Variants in ZFPM1 observed in about 807,000 individuals in gnomAD.
ZFPM1 encodes zinc finger protein, FOG family member 1.
In ZFPM1, 28 loss-of-function variants were observed where a neutral mutation model predicts 46.3. That is an observed-to-expected ratio of 0.60 (90% CI 0.45 to 0.83). The LOEUF (loss-of-function observed/expected upper bound fraction) is 0.83, where lower values mean the gene tolerates loss of function less well. Ranked by LOEUF, ZFPM1 falls within the 40% of genes least tolerant of loss-of-function variation. The pLI is 0.00. For synonymous variants in ZFPM1, 957 were observed against 675.9 expected (o/e 1.42, Z -6.45); for missense variants, 1,878 against 1,432.4 (o/e 1.31, Z -5.02).
intron 3 of ZFPM1, among the ~76,000 whole-genome samples, chr16:88,506,927 G>A (rs978202569): frequency 2.0e-5 from 3 of 152,232 alleles, no homozygotes; most frequent in African/African-American, 7.2e-5. Flanking sequence ...TCTCGCTAGC[G>A]CATGTCACGT....
chr16:88,523,759 C>T (rs1019031760), intron 4 of ZFPM1, among the ~76,000 whole-genome samples: 7 of 152,180 alleles, frequency 4.6e-5, no homozygotes, highest in Non-Finnish European at 8.8e-5. Context: ...GCCGGAGCTG[C>T]TTATCTTGCA....
chr16:88,488,987 G>A (rs778557340), intron 2 of ZFPM1, 44 bp from the exon 3 acceptor site: 8 of 1,590,834 alleles, frequency 5.0e-6, no homozygotes, highest in East Asian at 2.3e-5. Flanking sequence ...GCAGCTCAGT[G>A]CCCGGCACTC....
intron 4 of ZFPM1, among the ~76,000 whole-genome samples, chr16:88,524,246 C>T (rs1177797953): frequency 2.6e-5 from 4 of 152,330 alleles, no homozygotes; most frequent in African/African-American, 4.8e-5. Context: ...GCAGCCTCGC[C>T]GAGCGCTGCC....
At position 88,514,537 on chromosome 16, in the gene ZFPM1, C is replaced by T; in HGVS notation, c.402+17C>T. On this transcript the variant is annotated intron_variant, in intron 4 of 9. Transcript: ENST00000319555. ...GCGGAGCCGGTAAGAAGCCCCCATC[C>T]CCGCCCCTGCCCGCCCACCCCAATG... The T allele has an allele frequency of 1.3e-6, 2 of 1,544,638 alleles. No homozygotes were observed. Among genetic ancestry groups the T allele is most frequent in the East Asian group, 4.9e-5 (2 of 41,068 alleles).
intron 1 of ZFPM1, among the ~76,000 whole-genome samples, chr16:88,470,155 C>T (rs76589320): frequency 0.049 from 7,499 of 152,282 alleles, 256 homozygotes; most frequent in Non-Finnish European, 0.076. Context: ...AGGCCCCTCC[C>T]GTGTAGGAGC....
intron 4 of ZFPM1, among the ~76,000 whole-genome samples, chr16:88,515,651 C>A (rs1450900865): frequency 2.6e-5 from 4 of 152,228 alleles, no homozygotes; most frequent in African/African-American, 9.6e-5. Context: ...CTGCGGCCAG[C>A]AGCCCTGCAG....
chr16:88,463,785 G>A (rs935795095), intron 1 of ZFPM1, among the ~76,000 whole-genome samples: 18 of 152,350 alleles, frequency 1.2e-4, no homozygotes, highest in African/African-American at 4.3e-4. Flanking sequence ...TCAGGCTGAG[G>A]AAACTGAGGC....
At chr16:88,474,225 C>G (rs1312051779) in intron 1 of ZFPM1, among the ~76,000 whole-genome samples, 1 of 152,218 alleles carries the variant, frequency 6.6e-6, no homozygotes, top group East Asian at 1.9e-4. Context: ...CCTTGCCCCG[C>G]CCGGGCCACT....
chr16:88,465,287 A>G (rs780459001), intron 1 of ZFPM1, among the ~76,000 whole-genome samples: 1 of 152,246 alleles, frequency 6.6e-6, no homozygotes, highest in Non-Finnish European at 1.5e-5. Flanking sequence ...TGCTGGAAAC[A>G]GGCTGGTGCT....
Position 88,480,154 on chromosome 16 carries a change from G to A in ZFPM1, c.41-5785G>A, listed in dbSNP as rs568806267. Among the ~76,000 whole-genome samples, 7 of 152,022 alleles carry A rather than the reference G, an allele frequency of 4.6e-5. No homozygotes were observed. The highest frequency in any genetic ancestry group is 2.1e-4 in the South Asian group (1 of 4,814). On this transcript the variant is annotated intron_variant, in intron 1 of 9. Transcript: ENST00000319555. This position sits in a 1 kb window ranked among gnomAD's most constrained non-coding sequence, Gnocchi z 4.9. ...TCCTGGAGCGCTTTTCCCTGGACCC[G>A]GTGCTGGCAGCCTCCTCCTCTCCCC...
intron 1 of ZFPM1, among the ~76,000 whole-genome samples, chr16:88,483,492 G>A (rs180911630): frequency 4.6e-5 from 7 of 152,340 alleles, no homozygotes; most frequent in African/African-American, 1.7e-4. Flanking sequence ...TGTCTTCTCA[G>A]GGGCTGGTCT....
At chr16:88,512,786 C>T (rs995454888) in intron 3 of ZFPM1, among the ~76,000 whole-genome samples, 10 of 152,132 alleles carry the variant, frequency 6.6e-5, no homozygotes, top group South Asian at 4.1e-4. Flanking sequence ...TCTTCTCTCC[C>T]GTGCCCACCC....
intron 3 of ZFPM1, among the ~76,000 whole-genome samples, chr16:88,512,458 C>T (rs1192525847): frequency 6.6e-6 from 1 of 152,148 alleles, no homozygotes; most frequent in Non-Finnish European, 1.5e-5. Context: ...CCACCCCTTC[C>T]CTCTCTGAAA....
chr16:88,487,973 C>G (rs1372440057), intron 2 of ZFPM1, among the ~76,000 whole-genome samples: 1 of 152,256 alleles, frequency 6.6e-6, no homozygotes, highest in African/African-American at 2.4e-5. Flanking sequence ...ACACGCTGCT[C>G]GTGGTACAGC....
In ZFPM1 at chr16:88,461,438, G is replaced by A. The variant is rs36031208; in HGVS notation, c.40+7760G>A. 1.4e-4 allele frequency among the ~76,000 whole-genome samples: 21 copies of A among 152,264 alleles called. No individual in the cohort carries two copies. In the East Asian group the frequency reaches 1.5e-3, roughly 11 times the overall value. ...AGGTGACCAGTCTGGGGACCGCTTC[G>A]GACAACAGCGCAACCTCACGTCCTG... On this transcript the variant is annotated intron_variant, in intron 1 of 9. Transcript: ENST00000319555.
At chr16:88,503,710 C>T (rs55715616) in intron 3 of ZFPM1, among the ~76,000 whole-genome samples, 2 of 152,142 alleles carry the variant, frequency 1.3e-5, no homozygotes. Flanking sequence ...GAAGAGGAGA[C>T]ACATTCACAG....
chr16:88,511,366 C>T (rs748517574), intron 3 of ZFPM1, among the ~76,000 whole-genome samples: 1 of 152,118 alleles, frequency 6.6e-6, no homozygotes, highest in African/African-American at 2.4e-5. Flanking sequence ...TCAGCCTCGC[C>T]GGGCCCCAGG....
intron 3 of ZFPM1, among the ~76,000 whole-genome samples, chr16:88,505,277 G>A (rs759150488): frequency 6.6e-6 from 1 of 152,170 alleles, no homozygotes; most frequent in Non-Finnish European, 1.5e-5. Flanking sequence ...GTTTGTGGAA[G>A]GGCAGCCCAG....
At chr16:88,456,994 A>G (rs1245585608) in intron 1 of ZFPM1, among the ~76,000 whole-genome samples, 6 of 152,246 alleles carry the variant, frequency 3.9e-5, no homozygotes, top group Admixed American at 3.9e-4. Context: ...GCTCAGAACA[A>G]GGTGTTTTTC....
Sources: gnomAD v4.1 joint callset for allele counts (sites outside exome capture counted in the v4.1 genomes callset) on GRCh38, gnomAD v4.1.1 for gene constraint, Gnocchi (gnomAD v3.1) non-coding constraint, MANE v1.5 for transcripts, NCBI Gene and HGNC (gene_info 2026-07-23, HGNC 2026-07-21) for gene names.